Variants in HSD17B4 observed in about 807,000 individuals in gnomAD.
HSD17B4 encodes peroxisomal multifunctional enzyme type 2.
HSD17B4 carries 70 observed loss-of-function variants against 101.0 expected under a neutral mutation model. That is an observed-to-expected ratio of 0.69 (90% CI 0.57 to 0.85). The LOEUF is 0.85. Ranked by LOEUF, HSD17B4 falls within the 40% of genes least tolerant of loss-of-function variation. HSD17B4 has a pLI of 0.00. For synonymous variants in HSD17B4, 347 were observed against 297.1 expected, an observed-to-expected ratio of 1.17 and a Z score of -1.73; for missense variants, 984 against 892.4, an observed-to-expected ratio of 1.10 and a Z score of -1.31.
intron 2 of HSD17B4, chr5:119,472,611 T>A (rs2126676849): frequency 6.6e-6 from 1 of 152,396 alleles, no homozygotes; most frequent in East Asian, 1.9e-4. Flanking sequence ...TTTTTGGATT[T>A]TTAGTAGAGA....
At position 119,503,076 on chromosome 5, in the gene HSD17B4, T is replaced by TTGTGTGTGTGTG. The variant is rs759039800; in HGVS notation, c.1261+1012_1261+1023dup. On this transcript the variant is annotated intron_variant, in intron 14 of 23. Coordinates refer to ENST00000510025, the MANE Select transcript of HSD17B4 (RefSeq NM_000414.4). ...AGATTCTCAATCCCAACCTTGGAAA[T>TTGTGTGTGTGTG]TGTGTGTGTGTGTGTGTGTGTGTGT... Among the ~76,000 whole-genome samples, 1,278 of 140,592 alleles carry TTGTGTGTGTGTG rather than the reference T, an allele frequency of 9.1e-3. 27 individuals carry two copies. Among genetic ancestry groups the TTGTGTGTGTGTG allele is most frequent in the East Asian group, 0.07 (317 of 4,508 alleles). The allele number at this position is 140,592 out of a possible 152,430, so 92.2% of individuals were successfully genotyped here.
At chr5:119,496,306 A>T (rs1490346439) in intron 11 of HSD17B4, among the ~76,000 whole-genome samples, 2 of 152,152 alleles carry the variant, frequency 1.3e-5, no homozygotes, top group Non-Finnish European at 2.9e-5. Context: ...CCAGGGAAGG[A>T]TATGCTAGAC....
chr5:119,527,344 T>C, intron 20 of HSD17B4, 125 bp downstream of exon 20: 7 of 651,632 alleles, frequency 1.1e-5, no homozygotes, highest in Non-Finnish European at 2.0e-5. Flanking sequence ...TAATTAAAAA[T>C]AAGATACAGC....
At chr5:119,463,037 C>T (rs1332512229) in intron 2 of HSD17B4, among the ~76,000 whole-genome samples, 2 of 152,140 alleles carry the variant, frequency 1.3e-5, no homozygotes, top group African/African-American at 4.8e-5. Flanking sequence ...CTCTAGTAAC[C>T]AGTATTATAC....
chr5:119,505,372 C>G (rs934518600), intron 14 of HSD17B4, among the ~76,000 whole-genome samples: 2 of 152,086 alleles, frequency 1.3e-5, no homozygotes, highest in African/African-American at 4.8e-5. Flanking sequence ...TCTTCCAACC[C>G]ATGAGTATGG....
intron 14 of HSD17B4, among the ~76,000 whole-genome samples, chr5:119,504,939 T>A (rs11950471): frequency 1.9e-3 from 284 of 152,210 alleles, no homozygotes; most frequent in Non-Finnish European, 3.4e-3. Flanking sequence ...TGATGAAAGG[T>A]GGGAGTCTAG....
intron 2 of HSD17B4, among the ~76,000 whole-genome samples, chr5:119,459,530 A>G (rs1458568556): frequency 6.6e-6 from 1 of 152,212 alleles, no homozygotes; most frequent in Admixed American, 6.5e-5. Context: ...TCTGTTGCTT[A>G]TAACAGAACA....
At chr5:119,525,800 A>C in intron 18 of HSD17B4, 117 bp from the exon 19 acceptor site, 2 of 708,396 alleles carry the variant, frequency 2.8e-6, no homozygotes, top group Non-Finnish European at 2.6e-6. Flanking sequence ...CTTAAAATAG[A>C]TGGTATAATT....
intron 14 of HSD17B4, among the ~76,000 whole-genome samples, chr5:119,502,579 A>G (rs1220788229): frequency 6.6e-6 from 1 of 151,934 alleles, no homozygotes; most frequent in Non-Finnish European, 1.5e-5. Context: ...TTACTTGTTT[A>G]GTAAATCTCT....
At chr5:119,495,147 G>C (rs1434288674) in intron 11 of HSD17B4, among the ~76,000 whole-genome samples, 1 of 151,128 alleles carries the variant, frequency 6.6e-6, no homozygotes, top group Non-Finnish European at 1.5e-5. Flanking sequence ...TGTCATAAAT[G>C]GTTAACATTT....
intron 20 of HSD17B4, among the ~76,000 whole-genome samples, chr5:119,528,725 C>G (rs542587842): frequency 1.3e-5 from 2 of 152,166 alleles, no homozygotes; most frequent in African/African-American, 2.4e-5. Flanking sequence ...TCTATGGATA[C>G]AAACTTGAAG....
chr5:119,512,171 A>G (rs1193704932), intron 16 of HSD17B4, among the ~76,000 whole-genome samples: 1 of 152,182 alleles, frequency 6.6e-6, no homozygotes, highest in African/African-American at 2.4e-5. Flanking sequence ...AAGAACAGAG[A>G]GAACCACAGT....
chr5:119,511,216 A>T (rs1249787260), intron 16 of HSD17B4, among the ~76,000 whole-genome samples: 1 of 152,236 alleles, frequency 6.6e-6, no homozygotes, highest in African/African-American at 2.4e-5. Context: ...TCACAAGGAA[A>T]CAGAGTCTTT....
chr5:119,511,859 G>A (rs533676914), intron 16 of HSD17B4, among the ~76,000 whole-genome samples: 1 of 151,774 alleles, frequency 6.6e-6, no homozygotes, highest in African/African-American at 2.4e-5. Flanking sequence ...TATAAGATAT[G>A]GAAGAAACAG....
At chr5:119,537,655 T>C (rs899426560) in intron 23 of HSD17B4, among the ~76,000 whole-genome samples, 1 of 152,162 alleles carries the variant, frequency 6.6e-6, no homozygotes, top group Non-Finnish European at 1.5e-5. Context: ...GCAAACTTTT[T>C]CTGTAAAGGG....
chr5:119,540,229 G>T (rs1421578279), intron 23 of HSD17B4, among the ~76,000 whole-genome samples: 3 of 152,182 alleles, frequency 2.0e-5, no homozygotes, highest in African/African-American at 7.2e-5. Context: ...TTATGAAGTA[G>T]TTCAAAACAA....
rs1750388463 is a variant in HSD17B4, at chr5:119,494,255, A to G, written c.868+309A>G. Among the ~76,000 whole-genome samples, 4 of 151,920 alleles carry G rather than the reference A, an allele frequency of 2.6e-5. No individual in the cohort carries two copies. In the South Asian group the frequency reaches 8.3e-4, roughly 32 times the overall value. On this transcript the variant is annotated intron_variant, in intron 11 of 23. Transcript: ENST00000510025. Reference sequence around the variant, plus strand: ...ACATCCTCACTGATGGTTGGTTTCAAAGTCTTCCATTACCTACCTATATGC... The same window carrying G: ...ACATCCTCACTGATGGTTGGTTTCAGAGTCTTCCATTACCTACCTATATGC...
At chr5:119,508,249 C>A (rs561631805) in intron 15 of HSD17B4, among the ~76,000 whole-genome samples, 1 of 151,516 alleles carries the variant, frequency 6.6e-6, no homozygotes, top group Admixed American at 6.6e-5. Flanking sequence ...AAAGTCCTGC[C>A]GAAACCTTTC....
At chr5:119,528,588 T>C (rs1753798851) in intron 20 of HSD17B4, among the ~76,000 whole-genome samples, 1 of 152,134 alleles carries the variant, frequency 6.6e-6, no homozygotes, top group African/African-American at 2.4e-5. Context: ...CATTTTCTAA[T>C]TTGTTTTGTA....
Sources: gnomAD v4.1 joint callset for allele counts (sites outside exome capture counted in the v4.1 genomes callset) on GRCh38, gnomAD v4.1.1 for gene constraint, MANE v1.5 for transcripts, NCBI Gene and HGNC (gene_info 2026-07-23, HGNC 2026-07-21) for gene names.